The following ARID5B variants were observed in gnomAD, a reference collection of about 807,000 sequenced individuals.
The protein encoded by ARID5B is AT-rich interactive domain-containing protein 5B.
ARID5B carries 13 observed loss-of-function variants against 97.2 expected under a neutral mutation model. The ratio of observed to expected loss-of-function variants is 0.13; its 90% CI spans 0.09 to 0.21. ARID5B has a LOEUF of 0.21. Among genes scored for constraint, ARID5B ranks in the 10% least tolerant of loss-of-function variants. ARID5B has a pLI of 1.00. For synonymous variants in ARID5B, 556 were observed against 570.3 expected, an observed-to-expected ratio of 0.97 and a Z score of 0.36; for missense variants, 1,210 against 1,465.3, an observed-to-expected ratio of 0.83 and a Z score of 2.84.
chr10:61,913,313 G>T (rs138592913), intron 2 of ARID5B, among the ~76,000 whole-genome samples: 1 of 152,212 alleles, frequency 6.6e-6, no homozygotes, highest in Non-Finnish European at 1.5e-5. Flanking sequence ...TGTTGATAAC[G>T]ATGGTCAAGA....
At chr10:61,912,149 C>T (rs1371203254) in intron 2 of ARID5B, among the ~76,000 whole-genome samples, 4 of 152,146 alleles carry the variant, frequency 2.6e-5, no homozygotes, top group Admixed American at 2.0e-4. Flanking sequence ...TATGTTGTTT[C>T]ACAAGCACAA....
chr10:61,915,956 A>T (rs1843895725), intron 2 of ARID5B, among the ~76,000 whole-genome samples: 1 of 152,172 alleles, frequency 6.6e-6, no homozygotes, highest in South Asian at 2.1e-4. Flanking sequence ...GGGTTTCACC[A>T]TGTTGGTCAG....
chr10:61,939,067 A>C (rs953816424), intron 2 of ARID5B, among the ~76,000 whole-genome samples: 1 of 151,488 alleles, frequency 6.6e-6, no homozygotes, highest in African/African-American at 2.4e-5. Context: ...CATGTTTAAC[A>C]GCAAAATTAG....
chr10:62,086,009 T>A, intron 9 of ARID5B, 109 bp downstream of exon 9: 1 of 1,158,336 alleles, frequency 8.6e-7, no homozygotes. Context: ...GATGGCTTGA[T>A]GAAGAAACCA....
At chr10:61,917,859 A>G (rs565964677) in intron 2 of ARID5B, among the ~76,000 whole-genome samples, 1 of 152,242 alleles carries the variant, frequency 6.6e-6, no homozygotes, top group South Asian at 2.1e-4. Flanking sequence ...CCTGGAGTCT[A>G]CATTTAGGCT....
intron 2 of ARID5B, among the ~76,000 whole-genome samples, chr10:61,928,873 A>G (rs974239863): frequency 6.6e-6 from 1 of 152,246 alleles, no homozygotes; most frequent in African/African-American, 2.4e-5. Flanking sequence ...AGCAGAATAC[A>G]CTAATGTGTA....
At chr10:61,993,195 T>G (rs1333667465) in intron 3 of ARID5B, among the ~76,000 whole-genome samples, 1 of 151,942 alleles carries the variant, frequency 6.6e-6, no homozygotes, top group Non-Finnish European at 1.5e-5. Context: ...TCAACATCAG[T>G]TTAACTGCAA....
Position 62,003,646 on chromosome 10 carries a change from C to T in ARID5B, c.733+3325C>T, listed in dbSNP as rs533002752. On this transcript the variant is annotated intron_variant, in intron 4 of 9. Transcript: ENST00000279873. ...CTCTACCTGTGGGACACACATGTGA[C>T]TCAGTGACCAAGCCTGGCAAGAACC... 5.9e-5 allele frequency among the ~76,000 whole-genome samples: 9 copies of T among 152,252 alleles called. No individual in the cohort carries two copies. The South Asian group carries it at 6.2e-4, about 11-fold the overall frequency.
At chr10:61,980,644 C>A (rs761221160) in intron 3 of ARID5B, among the ~76,000 whole-genome samples, 1 of 152,190 alleles carries the variant, frequency 6.6e-6, no homozygotes, top group Non-Finnish European at 1.5e-5. Flanking sequence ...ATAAATTCAT[C>A]GAGCTTCCTG....
At chr10:61,970,991 G>GTGTGTGTA (rs1250883222) in intron 3 of ARID5B, among the ~76,000 whole-genome samples, 1 of 149,564 alleles carries the variant, frequency 6.7e-6, no homozygotes, top group East Asian at 2.0e-4. Flanking sequence ...GTGTGTGTGT[G>GTGTGTGTA]TATGTGTGTA....
At chr10:61,951,020 T>C (rs1311297371) in intron 3 of ARID5B, among the ~76,000 whole-genome samples, 1 of 152,230 alleles carries the variant, frequency 6.6e-6, no homozygotes, top group Non-Finnish European at 1.5e-5. Context: ...GAACAGTTTG[T>C]TTAATCTGTT....
chr10:62,071,182 C>T lies in ARID5B; in HGVS notation c.1199+1385C>T, dbSNP rs138191845. 3.3e-3 allele frequency among the ~76,000 whole-genome samples: 500 copies of T among 152,068 alleles called. 2 individuals carry two copies. Among genetic ancestry groups the T allele is most frequent in the African/African-American group, 0.011 (469 of 41,494 alleles). ...TCCCAAGTAACTGGGACTACAGGCA[C>T]GTGCTACCACGCCCAGCTAATTTTT... On this transcript the variant is annotated intron_variant, in intron 8 of 9. Transcript: ENST00000279873.
At chr10:61,927,092 A>G (rs957748322) in intron 2 of ARID5B, among the ~76,000 whole-genome samples, 5 of 152,218 alleles carry the variant, frequency 3.3e-5, no homozygotes, top group Non-Finnish European at 7.3e-5. Flanking sequence ...TAGACAAAGA[A>G]TTAAGAAGAG....
intron 4 of ARID5B, among the ~76,000 whole-genome samples, chr10:62,037,083 G>A (rs1260054673): frequency 6.6e-6 from 1 of 152,138 alleles, no homozygotes; most frequent in African/African-American, 2.4e-5. Context: ...GTCTACACTA[G>A]CCCTTGAATC....
chr10:61,920,838 T>C (rs1282193025), intron 2 of ARID5B, among the ~76,000 whole-genome samples: 1 of 152,208 alleles, frequency 6.6e-6, no homozygotes, highest in East Asian at 1.9e-4. Flanking sequence ...TCTTTCTCTC[T>C]AGTTAGAGGA....
At chr10:62,057,461 A>G (rs1430257650) in intron 6 of ARID5B, 143 bp downstream of exon 6, 5 of 896,680 alleles carry the variant, frequency 5.6e-6, no homozygotes, top group Non-Finnish European at 8.3e-6. Context: ...TAAATGTTCC[A>G]GGCCAAGAAT....
At chr10:61,935,715 A>G (rs1844288356) in intron 2 of ARID5B, among the ~76,000 whole-genome samples, 1 of 152,222 alleles carries the variant, frequency 6.6e-6, no homozygotes, top group South Asian at 2.1e-4. Flanking sequence ...AGGAAATTTT[A>G]CTGTAAGTTA....
At position 62,092,277 on chromosome 10, in the gene ARID5B, C is replaced by T. The variant is rs767879771; in HGVS notation, c.2814C>T (p.Ser938=). The change falls in exon 10 of 10, where the codon TCC becomes TCT. Residue 938 remains serine (S), a synonymous_variant. Coordinates refer to ENST00000279873, the MANE Select transcript of ARID5B (RefSeq NM_032199.3). The stretch of plus-strand genomic sequence containing the variant: ...GGCCCCAGGAGAGCAAAGGCATCTC[C>T]CAGTTCCAGGTCTTAGGCAGCCAGA... ...TTGPQESKGI[S]QFQVLGSQSR... 1.9e-6 allele frequency: 3 copies of T among 1,606,928 alleles called. No individual in the cohort carries two copies. Among genetic ancestry groups the T allele is most frequent in the Non-Finnish European group, 2.5e-6 (3 of 1,176,790 alleles).
chr10:62,050,194 G>A (rs187241698), intron 4 of ARID5B, among the ~76,000 whole-genome samples: 34 of 152,176 alleles, frequency 2.2e-4, no homozygotes, highest in Admixed American at 2.2e-3. Context: ...TGTAATCTTT[G>A]GATGTTATAT....
Sources: allele counts gnomAD v4.1 joint callset (sites outside exome capture counted in the v4.1 genomes callset), GRCh38; gene constraint gnomAD v4.1.1; transcripts MANE v1.5; gene names NCBI Gene and HGNC (gene_info 2026-07-23, HGNC 2026-07-21).